CD81: variants seen among roughly 807,000 people sequenced by gnomAD.
CD81 encodes the protein CD81 molecule.
A neutral mutation model predicts 30.1 loss-of-function variants in CD81; 10 were observed. The ratio of observed to expected loss-of-function variants is 0.33; its 90% CI spans 0.21 to 0.56. The LOEUF is 0.56. Among genes scored for constraint, CD81 ranks in the 20% least tolerant of loss-of-function variants. The pLI is 0.89. For synonymous variants in CD81, 147 were observed against 126.4 expected, an observed-to-expected ratio of 1.16 and a Z score of -1.10; for missense variants, 263 against 308.7, an observed-to-expected ratio of 0.85 and a Z score of 1.11.
At chr11:2,393,657 A>T (rs781576617) in intron 2 of CD81, 1 of 558,834 alleles carries the variant, frequency 1.8e-6, no homozygotes, top group Non-Finnish European at 3.2e-6. Context: ...ACCCCGGCCT[A>T]CAGTGGGGCC....
intron 1 of CD81, chr11:2,386,704 G>A (rs991152247): frequency 5.2e-5 from 36 of 698,360 alleles, no homozygotes; most frequent in Middle Eastern, 4.6e-4. Context: ...GGTGGCTCCC[G>A]ACTACTTCTG....
intron 1 of CD81, chr11:2,379,095 C>T: frequency 2.2e-6 from 1 of 451,234 alleles, no homozygotes; most frequent in South Asian, 1.6e-5. Flanking sequence ...AGGCCCGGCC[C>T]TGGGACCTCA....
intron 1 of CD81, chr11:2,385,781 C>G (rs1027970590): frequency 3.4e-6 from 2 of 593,426 alleles, no homozygotes; most frequent in Non-Finnish European, 6.4e-6. Flanking sequence ...AAGCCAGCGA[C>G]GGACCCCAGG....
rs931955907 is a variant in CD81 at position 2,381,109 on chromosome 11, G to A, written c.66+3494G>A. 5.3e-5 allele frequency among the ~76,000 whole-genome samples: 8 copies of A among 152,246 alleles called. No individual in the cohort carries two copies. In the East Asian group the frequency reaches 1.5e-3, roughly 29 times the overall value. On this transcript the variant is annotated intron_variant, in intron 1 of 7. Coordinates refer to ENST00000263645, the MANE Select transcript of CD81 (RefSeq NM_004356.4). Reference sequence around the variant, plus strand: ...GTGCCTGGTTTCACCAAGTGGGTGTGTGGACTTTCCCTGGCTCCCCCAGGC... The same window carrying A: ...GTGCCTGGTTTCACCAAGTGGGTGTATGGACTTTCCCTGGCTCCCCCAGGC...
At chr11:2,395,778 G>A (rs1589854201) in intron 5 of CD81, 91 bp from the exon 6 acceptor site, 5 of 887,394 alleles carry the variant, frequency 5.6e-6, no homozygotes, top group Non-Finnish European at 7.5e-6. Context: ...GGGGAGCGCT[G>A]CGTACCCCTG....
At chr11:2,382,251 C>T (rs1196064950) in intron 1 of CD81, among the ~76,000 whole-genome samples, 5 of 152,232 alleles carry the variant, frequency 3.3e-5, no homozygotes, top group African/African-American at 4.8e-5. Flanking sequence ...TTGAGGGCTG[C>T]GGGCTCAAGG....
chr11:2,393,979 C>T, intron 2 of CD81, 116 bp from the exon 3 acceptor site: 1 of 796,482 alleles, frequency 1.3e-6, no homozygotes, highest in Non-Finnish European at 2.2e-6. Context: ...TGGCAGTCAG[C>T]AACCCTACAT....
intron 1 of CD81, among the ~76,000 whole-genome samples, chr11:2,380,966 C>T (rs1028978111): frequency 1.2e-4 from 18 of 152,338 alleles, no homozygotes; most frequent in Non-Finnish European, 1.9e-4. Flanking sequence ...GCCTCGCTCA[C>T]GGGTATTTCT....
intron 1 of CD81, among the ~76,000 whole-genome samples, chr11:2,380,298 A>C (rs922064261): frequency 6.6e-6 from 1 of 152,026 alleles, no homozygotes; most frequent in African/African-American, 2.4e-5. Context: ...TGGGTGGGGC[A>C]CTTGTTAGAA....
chr11:2,395,774 C>G (rs985074813), intron 5 of CD81, 95 bp from the exon 6 acceptor site: 15 of 856,656 alleles, frequency 1.8e-5, no homozygotes, highest in Middle Eastern at 2.2e-4. Context: ...CAGTGGGGAG[C>G]GCTGCGTACC....
chr11:2,384,313 GGAGGC>G (rs1849749832), intron 1 of CD81, among the ~76,000 whole-genome samples: 1 of 140,142 alleles, frequency 7.1e-6, no homozygotes, highest in South Asian at 2.3e-4. Flanking sequence ...GGGCGCCTTG[GGAGGC>G]GGGGTGTCTC....
intron 4 of CD81, 175 bp downstream of exon 4, chr11:2,395,221 A>G: frequency 2.7e-6 from 2 of 728,270 alleles, no homozygotes; most frequent in South Asian, 3.2e-5. Context: ...ATTGGGGCTG[A>G]GCACCAGGCC....
chr11:2,380,363 G>A, intron 1 of CD81, among the ~76,000 whole-genome samples: 1 of 151,872 alleles, frequency 6.6e-6, no homozygotes, highest in East Asian at 1.9e-4. Context: ...AGCTGGGGTA[G>A]CCTGACCTCT....
At chr11:2,379,385 G>GTA (rs1564988343) in intron 1 of CD81, among the ~76,000 whole-genome samples, 3 of 124,804 alleles carry the variant, frequency 2.4e-5, no homozygotes, top group East Asian at 2.4e-4. Context: ...GCCTGGGGGT[G>GTA]GGGGCTGAGG....
intron 1 of CD81, among the ~76,000 whole-genome samples, chr11:2,383,225 C>T (rs1250799627): frequency 6.6e-6 from 1 of 152,184 alleles, no homozygotes; most frequent in African/African-American, 2.4e-5. Flanking sequence ...CTCTTCCCTC[C>T]ATGCTGCCTT....
At chr11:2,390,951 G>A (rs1008088139) in intron 2 of CD81, 3 of 291,410 alleles carry the variant, frequency 1.0e-5, no homozygotes, top group South Asian at 1.0e-4. Context: ...CAGGGGAGGG[G>A]TGGAGAGGGG....
intron 2 of CD81, chr11:2,390,963 G>A (rs1019861524): frequency 1.4e-5 from 4 of 292,206 alleles, no homozygotes. Context: ...GGAGAGGGGT[G>A]GAGACGCCCC....
chr11:2,381,010 C>CT (rs1849695754), intron 1 of CD81, among the ~76,000 whole-genome samples: 1 of 152,240 alleles, frequency 6.6e-6, no homozygotes, highest in African/African-American at 2.4e-5. Context: ...TCATTTGGCA[C>CT]GTCTTTCGCC....
intron 2 of CD81, chr11:2,393,292 C>T (rs1336922226): frequency 6.5e-6 from 1 of 153,236 alleles, no homozygotes; most frequent in Admixed American, 6.5e-5. Context: ...TCTGGGTGGC[C>T]AGGCCCATGT....
Sources: allele counts gnomAD v4.1 joint callset (sites outside exome capture counted in the v4.1 genomes callset), GRCh38; gene constraint gnomAD v4.1.1; transcripts MANE v1.5; gene names NCBI Gene and HGNC (gene_info 2026-07-23, HGNC 2026-07-21).